GABRA2: variants seen among roughly 807,000 people sequenced by gnomAD.
GABRA2 encodes the protein gamma-aminobutyric acid receptor subunit alpha-2.
Under a neutral mutation model 48.7 loss-of-function variants are expected in GABRA2, and 16 were observed. The observed-to-expected ratio is 0.33, with a 90% CI of 0.22 to 0.50. The LOEUF is 0.50. Ranked by LOEUF, GABRA2 falls within the 20% of genes least tolerant of loss-of-function variation. The pLI is 0.98. For synonymous variants in GABRA2, 185 were observed against 184.5 expected, an observed-to-expected ratio of 1.00 and a Z score of -0.02; for missense variants, 275 against 535.6, an observed-to-expected ratio of 0.51 and a Z score of 4.80.
chr4:46,268,498 T>C (rs894029699), intron 8 of GABRA2, among the ~76,000 whole-genome samples: 3 of 151,934 alleles, frequency 2.0e-5, no homozygotes, highest in African/African-American at 7.2e-5. Context: ...TGAATATCAC[T>C]TCATATATTT....
chr4:46,308,849 A>G (rs1727141145), intron 6 of GABRA2, among the ~76,000 whole-genome samples: 1 of 149,310 alleles, frequency 6.7e-6, no homozygotes, highest in Admixed American at 6.8e-5. Flanking sequence ...TTGATGCCTT[A>G]ATGACAATAC....
rs1716689594 is a variant in GABRA2, at chr4:46,381,035, G to C, written c.187+5039C>G. 9.2e-5 allele frequency among the ~76,000 whole-genome samples: 14 copies of C among 152,236 alleles called. No individual in the cohort carries two copies. In the South Asian group the frequency reaches 2.9e-3, roughly 32 times the overall value. ...AAAAGTACCAGGTTGGGAGAGGGTG[G>C]TTCTAACTAGCCAACCTCCTCGAAA... On this transcript the variant is annotated intron_variant, in intron 3 of 9. Coordinates refer to ENST00000381620, the MANE Select transcript of GABRA2 (RefSeq NM_000807.4).
intron 8 of GABRA2, among the ~76,000 whole-genome samples, chr4:46,287,270 C>T (rs1057462838): frequency 1.5e-5 from 2 of 137,870 alleles, no homozygotes; most frequent in Non-Finnish European, 1.6e-5. Flanking sequence ...TGGCAGGTAG[C>T]GTGATTCCTC....
intron 9 of GABRA2, chr4:46,261,453 G>A (rs1427977403): frequency 6.1e-6 from 1 of 162,988 alleles, no homozygotes; most frequent in African/African-American, 2.4e-5. Flanking sequence ...TAAAATTAAT[G>A]CCCATTTTCT....
intron 3 of GABRA2, among the ~76,000 whole-genome samples, chr4:46,350,796 A>T (rs1265324969): frequency 6.6e-6 from 1 of 151,990 alleles, no homozygotes; most frequent in Admixed American, 6.6e-5. Flanking sequence ...TAAAAGACAA[A>T]TAGAAAACAT....
At chr4:46,377,764 C>T (rs1305937650) in intron 3 of GABRA2, among the ~76,000 whole-genome samples, 2 of 136,702 alleles carry the variant, frequency 1.5e-5, no homozygotes, top group East Asian at 2.3e-4. Context: ...CCAGCCGCCC[C>T]GTCCGGGAAG....
At chr4:46,300,654 A>G (rs1725578604) in intron 8 of GABRA2, among the ~76,000 whole-genome samples, 1 of 151,880 alleles carries the variant, frequency 6.6e-6, no homozygotes, top group Non-Finnish European at 1.5e-5. Context: ...AACTACAATC[A>G]GTTTTCCTAT....
intron 8 of GABRA2, among the ~76,000 whole-genome samples, chr4:46,297,708 T>G (rs757075691): frequency 3.3e-5 from 5 of 151,592 alleles, no homozygotes; most frequent in Non-Finnish European, 7.4e-5. Context: ...CAACCTTTGG[T>G]CTTGTTGATG....
intron 3 of GABRA2, among the ~76,000 whole-genome samples, chr4:46,373,296 A>T (rs1271710032): frequency 6.6e-6 from 1 of 152,178 alleles, no homozygotes; most frequent in Non-Finnish European, 1.5e-5. Context: ...CCTGTTAAAG[A>T]TATTAATTGT....
intron 4 of GABRA2, among the ~76,000 whole-genome samples, chr4:46,318,647 C>T (rs905132205): frequency 6.6e-5 from 10 of 151,520 alleles, no homozygotes; most frequent in Non-Finnish European, 1.5e-4. Flanking sequence ...AAATAAAAAA[C>T]GGTCTAACTC....
chr4:46,299,891 A>G (rs1038644462), intron 8 of GABRA2, among the ~76,000 whole-genome samples: 10 of 151,858 alleles, frequency 6.6e-5, no homozygotes, highest in African/African-American at 2.4e-4. Context: ...CGAGATACCT[A>G]AAACTGTAGA....
chr4:46,386,093 C>A lies in GABRA2; in HGVS notation c.168G>T (p.Arg56=). The change falls in exon 3 of 10, where the codon CGG becomes CGT. Residue 56 remains arginine (R), a synonymous_variant. Coordinates refer to ENST00000381620, the MANE Select transcript of GABRA2 (RefSeq NM_000807.4). ...LDRLLDGYDN[R]LRPGLGDSIT... is the part of the protein sequence containing the mutation. ...TTTTACCTCCCAGTCCTGGTCTAAGCCGATTATCGTAACCATCCAGAAGTC... is the reference window on the plus strand; with the variant it reads ...TTTTACCTCCCAGTCCTGGTCTAAGACGATTATCGTAACCATCCAGAAGTC... 1 of 1,609,032 alleles carries A rather than the reference C, an allele frequency of 6.2e-7. No homozygotes were observed. The highest frequency in any genetic ancestry group is 8.5e-7 in the Non-Finnish European group (1 of 1,176,362).
chr4:46,267,577 C>A (rs187173974), intron 8 of GABRA2, among the ~76,000 whole-genome samples: 1 of 151,818 alleles, frequency 6.6e-6, no homozygotes, highest in Non-Finnish European at 1.5e-5. Flanking sequence ...TGTGGCAAAT[C>A]TGGAAATCAG....
intron 3 of GABRA2, among the ~76,000 whole-genome samples, chr4:46,344,950 G>A (rs1733896306): frequency 6.6e-6 from 1 of 151,892 alleles, no homozygotes; most frequent in Admixed American, 6.6e-5. Context: ...ATATCCATAT[G>A]ATATGGGTTG....
chr4:46,266,191 C>G (rs981019355), intron 8 of GABRA2, among the ~76,000 whole-genome samples: 1 of 150,888 alleles, frequency 6.6e-6, no homozygotes, highest in Non-Finnish European at 1.5e-5. Flanking sequence ...TTCAAGTCTT[C>G]TACATTTTGC....
In GABRA2 at chr4:46,245,630, T is replaced by C. The variant is rs1280273321; in HGVS notation, c.*4678A>G. 1.3e-5 allele frequency among the ~76,000 whole-genome samples: 2 copies of C among 151,290 alleles called. No individual in the cohort carries two copies. The highest frequency in any genetic ancestry group is 2.4e-5 in the African/African-American group (1 of 41,372). ...TGATAAGATCCATTAATAAAACAAA[T>C]TGTTTAGATATCATAAATTTATCTG... On this transcript the variant is annotated 3_prime_UTR_variant, in exon 10 of 10. Coordinates refer to ENST00000381620, the MANE Select transcript of GABRA2 (RefSeq NM_000807.4).
intron 6 of GABRA2, among the ~76,000 whole-genome samples, chr4:46,306,845 A>C (rs553020849): frequency 6.6e-6 from 1 of 152,256 alleles, no homozygotes; most frequent in Non-Finnish European, 1.5e-5. Flanking sequence ...ATTGATCTAA[A>C]GTCTGTGATC....
At position 46,381,988 on chromosome 4, in the gene GABRA2, G is replaced by A. The variant is rs552628432; in HGVS notation, c.187+4086C>T. On this transcript the variant is annotated intron_variant, in intron 3 of 9. Coordinates refer to ENST00000381620, the MANE Select transcript of GABRA2 (RefSeq NM_000807.4). ...ATGAAATCAACTAATAAAATGGAAA[G>A]TCATTCAAGAGATATTTTGTTGAGT... is the stretch of plus-strand genomic sequence containing the variant. 2.2e-4 allele frequency among the ~76,000 whole-genome samples: 33 copies of A among 152,220 alleles called. No individual in the cohort carries two copies. In the Middle Eastern group the frequency reaches 0.014, roughly 63 times the overall value.
chr4:46,247,663 T>C lies in GABRA2; in HGVS notation c.*2645A>G, dbSNP rs1199698368. Among the ~76,000 whole-genome samples, 1 of 151,216 alleles carries C rather than the reference T, an allele frequency of 6.6e-6. No individual in the cohort carries two copies. Among genetic ancestry groups the C allele is most frequent in the Non-Finnish European group, 1.5e-5 (1 of 67,472 alleles). On this transcript the variant is annotated 3_prime_UTR_variant, in exon 10 of 10. Transcript: ENST00000381620. ...TGGGCCAAAGAGATCAGTGTTAGTA[T>C]ATATAAAATGTATTTTCTGAAAAAT...
Sources: gnomAD v4.1 joint callset for allele counts (sites outside exome capture counted in the v4.1 genomes callset) on GRCh38, gnomAD v4.1.1 for gene constraint, MANE v1.5 for transcripts, NCBI Gene and HGNC (gene_info 2026-07-23, HGNC 2026-07-21) for gene names.